SAMD8: variants seen among roughly 807,000 people sequenced by gnomAD.
SAMD8 encodes sterile alpha motif domain containing 8.
A neutral mutation model predicts 42.0 loss-of-function variants in SAMD8; 20 were observed. The observed-to-expected ratio is 0.48, with a 90% confidence interval of 0.34 to 0.69. The LOEUF (loss-of-function observed/expected upper bound fraction) is 0.69, where lower values mean the gene tolerates loss of function less well. SAMD8 is among the 30% of genes least tolerant of loss of function. The pLI is 0.01. For missense variants in SAMD8, 328 were observed against 511.6 expected, an observed-to-expected ratio of 0.64 and a Z score of 3.46; for synonymous variants, 162 against 173.0, an observed-to-expected ratio of 0.94 and a Z score of 0.50.
At position 75,178,936 on chromosome 10, in the gene SAMD8, C is replaced by T. The variant is rs1841036275; in HGVS notation, c.*2244C>T. The stretch of plus-strand genomic sequence containing the variant: ...CCCAGCTACTTGGGAGACTGAGGAA[C>T]AAGAAACACTTGAACCCAGGAGGTG... On this transcript the variant is annotated 3_prime_UTR_variant, in exon 6 of 6. Transcript: ENST00000542569. 1 of 152,200 alleles carries T rather than the reference C, an allele frequency of 6.6e-6. No homozygotes were observed. The highest frequency in any genetic ancestry group is 2.4e-5 in the African/African-American group (1 of 41,408). 9.4% of individuals were successfully genotyped at this position (152,200 alleles called of 1,614,324 possible).
At chr10:75,152,207 T>C (rs1840305452) in intron 2 of SAMD8, among the ~76,000 whole-genome samples, 1 of 151,906 alleles carries the variant, frequency 6.6e-6, no homozygotes, top group South Asian at 2.1e-4. Flanking sequence ...TAAAAAAATG[T>C]AGTATATGTG....
rs541761146 is a variant in SAMD8, at chr10:75,102,728, G to T, written c.-16+3000G>T. The stretch of plus-strand genomic sequence containing the variant: ...AGCACTTTGGGAGGCCGAGGTGGGC[G>T]GATCACCTGAGGTCGGGAGTTCGAG... On this transcript the variant is annotated intron_variant, in intron 1 of 3. Coordinates refer to the SAMD8 transcript ENST00000447533. 1.1e-4 allele frequency among the ~76,000 whole-genome samples: 17 copies of T among 152,228 alleles called. No individual in the cohort carries two copies. In the East Asian group the frequency reaches 3.1e-3, roughly 28 times the overall value.
chr10:75,175,114 G>A (rs1036156476), intron 4 of SAMD8, among the ~76,000 whole-genome samples: 14 of 152,142 alleles, frequency 9.2e-5, no homozygotes, highest in African/African-American at 3.4e-4. Context: ...ACTAAAAAAA[G>A]GAAAGGTAAA....
intron 4 of SAMD8, among the ~76,000 whole-genome samples, chr10:75,173,177 TA>T (rs1408398507): frequency 6.6e-6 from 1 of 152,216 alleles, no homozygotes. Context: ...CAATCTGACC[TA>T]AATACTGTTA....
chr10:75,108,586 C>T (rs1288659495), upstream of SAMD8, among the ~76,000 whole-genome samples: 1 of 152,158 alleles, frequency 6.6e-6, no homozygotes, highest in African/African-American at 2.4e-5. Context: ...TGCTTCTAAC[C>T]TACAAATGTT....
upstream of SAMD8, chr10:75,108,183 A>C (rs1197142403): frequency 6.2e-7 from 1 of 1,608,928 alleles, no homozygotes; most frequent in Admixed American, 1.7e-5. Context: ...CAGCTTCCAC[A>C]GCTCAAAGCG....
chr10:75,162,301 A>G (rs1840575125), intron 2 of SAMD8, among the ~76,000 whole-genome samples: 4 of 151,868 alleles, frequency 2.6e-5, no homozygotes, highest in South Asian at 4.1e-4. Context: ...GGAGGTTGCA[A>G]TGAGCCAAGA....
chr10:75,108,128 A>G, upstream of SAMD8: 2 of 1,613,638 alleles, frequency 1.2e-6, no homozygotes, highest in Middle Eastern at 1.7e-4. Context: ...GGCCGCCCTG[A>G]CAGTAGAGGC....
chr10:75,127,796 CTT>C (rs1849178747), intron 1 of SAMD8, among the ~76,000 whole-genome samples: 1 of 152,192 alleles, frequency 6.6e-6, no homozygotes, highest in African/African-American at 2.4e-5. Context: ...AACAAGTCCT[CTT>C]GAGACATTTT....
intron 1 of SAMD8, among the ~76,000 whole-genome samples, chr10:75,122,122 CTGATTA>C (rs1222591382): frequency 6.6e-6 from 1 of 151,950 alleles, no homozygotes; most frequent in African/African-American, 2.4e-5. Context: ...CCTTTTCTCT[CTGATTA>C]TAAGTATTAC....
chr10:75,099,823 A>C, intron 1 of SAMD8: 1 of 170,144 alleles, frequency 5.9e-6, no homozygotes, highest in African/African-American at 2.4e-5. Context: ...CTTTGCTCCC[A>C]TCTGGACCAC....
intron 2 of SAMD8, among the ~76,000 whole-genome samples, chr10:75,161,700 G>A (rs916062113): frequency 2.0e-5 from 3 of 151,644 alleles, no homozygotes; most frequent in Non-Finnish European, 4.4e-5. Context: ...AAGAGCTTTT[G>A]GGGGAAAAAA....
chr10:75,151,735 G>A (rs1840292357), intron 2 of SAMD8, among the ~76,000 whole-genome samples: 1 of 152,180 alleles, frequency 6.6e-6, no homozygotes, highest in Non-Finnish European at 1.5e-5. Flanking sequence ...CACCCAGGCT[G>A]GAGTGCAGTG....
At chr10:75,175,612 G>A (rs570147704) in intron 4 of SAMD8, among the ~76,000 whole-genome samples, 12 of 152,016 alleles carry the variant, frequency 7.9e-5, no homozygotes, top group African/African-American at 1.7e-4. Flanking sequence ...ACAGTGGCGC[G>A]ATCTCGGCTC....
chr10:75,121,267 C>T (rs1190240685), intron 1 of SAMD8, among the ~76,000 whole-genome samples: 1 of 152,128 alleles, frequency 6.6e-6, no homozygotes, highest in Non-Finnish European at 1.5e-5. Context: ...GTGGTAAATC[C>T]TCAGTTTGAA....
At position 75,177,663 on chromosome 10, in the gene SAMD8, T is replaced by G. The variant is rs1393871805; in HGVS notation, c.*971T>G. 6.6e-6 allele frequency: 1 copy of G among 152,232 alleles called. No individual in the cohort carries two copies. The highest frequency in any genetic ancestry group is 1.5e-5 in the Non-Finnish European group (1 of 68,034). 9.4% of individuals were successfully genotyped at this position (152,232 alleles called of 1,614,324 possible). A position where few individuals can be genotyped will look rare whatever the true frequency, so the allele number is the denominator to read the frequency against. ...ACTTACAGCACGCAAAATATAACTT[T>G]TTGGTTTTTGAAATTTATCATTCTT... is the stretch of plus-strand genomic sequence containing the variant. On this transcript the variant is annotated 3_prime_UTR_variant, in exon 6 of 6. Coordinates refer to ENST00000542569, the MANE Select transcript of SAMD8 (RefSeq NM_001174156.2).
Position 75,157,405 on chromosome 10 carries a change from T to C in SAMD8, c.578+6299T>C, listed in dbSNP as rs1245581416. Reference sequence around the variant, plus strand: ...GTGCCCTTGAGTAGATGAAAAGGAATGGTACCTTGTGGCTGGGAGAGGCTG... The same window carrying C: ...GTGCCCTTGAGTAGATGAAAAGGAACGGTACCTTGTGGCTGGGAGAGGCTG... On this transcript the variant is annotated intron_variant, in intron 2 of 5. Transcript: ENST00000542569. 1.4e-4 allele frequency among the ~76,000 whole-genome samples: 21 copies of C among 152,164 alleles called. 1 individual carries two copies. Among genetic ancestry groups the C allele is most frequent in the Admixed American group, 1.3e-3 (20 of 15,266 alleles).
rs2132223584 is a variant in SAMD8 at position 75,176,948 on chromosome 10, A to C, written c.*256A>C. 2.5e-6 allele frequency: 1 copy of C among 392,182 alleles called. No individual in the cohort carries two copies. Among genetic ancestry groups the C allele is most frequent in the African/African-American group, 2.0e-5 (1 of 48,784 alleles). 24.3% of individuals were successfully genotyped at this position (392,182 alleles called of 1,614,324 possible). The stretch of plus-strand genomic sequence containing the variant: ...TAGGAAGACTTAATGTTGTGATTGA[A>C]GTCAGGCTGTACCCTTACCTGTTGA... On this transcript the variant is annotated 3_prime_UTR_variant, in exon 6 of 6. Coordinates refer to ENST00000542569, the MANE Select transcript of SAMD8 (RefSeq NM_001174156.2). The surrounding 1 kb of genome is among the most constrained non-coding windows in gnomAD (Gnocchi z 4.3).
At chr10:75,157,229 GA>G in intron 2 of SAMD8, among the ~76,000 whole-genome samples, 1 of 151,796 alleles carries the variant, frequency 6.6e-6, no homozygotes, top group East Asian at 1.9e-4. Flanking sequence ...AAGAAATGAT[GA>G]GGGGGAGAGA....
Sources: gnomAD v4.1 joint callset for allele counts (sites outside exome capture counted in the v4.1 genomes callset) on GRCh38, gnomAD v4.1.1 for gene constraint, Gnocchi (gnomAD v3.1) non-coding constraint, MANE v1.5 for transcripts, NCBI Gene and HGNC (gene_info 2026-07-23, HGNC 2026-07-21) for gene names.